Variants in PSMG1 observed in about 807,000 individuals in gnomAD.
PSMG1 encodes the protein proteasome assembly chaperone 1.
PSMG1 carries 23 observed loss-of-function variants against 37.2 expected under a neutral mutation model. That is an observed-to-expected ratio of 0.62 (90% CI 0.44 to 0.88). The LOEUF is 0.88. PSMG1 is among the 40% of genes least tolerant of loss of function. The pLI is 0.00. For synonymous variants in PSMG1, 127 were observed against 128.0 expected (o/e 0.99, Z 0.05); for missense variants, 340 against 344.2 (o/e 0.99, Z 0.10).
intron 1 of PSMG1, among the ~76,000 whole-genome samples, chr21:39,182,163 A>T (rs1346020819): frequency 1.3e-5 from 2 of 152,218 alleles, no homozygotes; most frequent in Non-Finnish European, 2.9e-5. Flanking sequence ...AGCCTGCAAT[A>T]AGAAACAGAA....
At chr21:39,183,116 C>T in intron 1 of PSMG1, 136 bp downstream of exon 1, 1 of 1,147,218 alleles carries the variant, frequency 8.7e-7, no homozygotes, top group Non-Finnish European at 1.2e-6. Flanking sequence ...AGGGCCCAAG[C>T]AGAGCCAAGG....
At chr21:39,183,201 C>T in intron 1 of PSMG1, 51 bp downstream of exon 1, 1 of 1,499,654 alleles carries the variant, frequency 6.7e-7, no homozygotes, top group South Asian at 1.3e-5. Context: ...CTGCCAGGCC[C>T]GCGCACCTTC....
Position 39,179,921 on chromosome 21 carries a change from T to C in PSMG1, c.456+3A>G, listed in dbSNP as rs1303219303. ...CATTCACAGGTTTTCATTTCTCTCT[T>C]ACCTTTTCCAGCCACTGATACTGTT... On this transcript the variant is annotated splice_donor_region_variant and intron_variant, in intron 4 of 6. Coordinates refer to ENST00000331573, the MANE Select transcript of PSMG1 (RefSeq NM_003720.4). 2 of 1,612,480 alleles carry C rather than the reference T, an allele frequency of 1.2e-6. No homozygotes were observed. The highest frequency in any genetic ancestry group is 2.2e-5 in the East Asian group (1 of 44,860).
In PSMG1 at chr21:39,180,365, A is replaced by T. The variant is rs1461057359; in HGVS notation, c.313T>A (p.Trp105Arg). 1 of 1,612,104 alleles carries T rather than the reference A, an allele frequency of 6.2e-7. No individual in the cohort carries two copies. Among genetic ancestry groups the T allele is most frequent in the Non-Finnish European group, 8.5e-7 (1 of 1,178,956 alleles). ...EVGCAKLWNE[W>R]CRTTDTTHLS... is the part of the protein sequence containing the mutation. Reference sequence around the variant, plus strand: ...TGTGTAGTGTCTGTTGTTCTACACCATTCATTCCAGAGTTTAGCACAACCA... The same window carrying T: ...TGTGTAGTGTCTGTTGTTCTACACCTTTCATTCCAGAGTTTAGCACAACCA... The change falls in exon 3 of 7, where the codon TGG (tryptophan) becomes AGG (arginine). Residue 105 changes from tryptophan to arginine, a missense_variant. Trp to Arg is a moderately radical substitution (Grantham distance 101, BLOSUM62 -3). Coordinates refer to ENST00000331573, the MANE Select transcript of PSMG1 (RefSeq NM_003720.4).
intron 1 of PSMG1, among the ~76,000 whole-genome samples, chr21:39,182,211 TTGAA>T (rs1338387918): frequency 2.0e-5 from 3 of 152,178 alleles, no homozygotes; most frequent in Non-Finnish European, 4.4e-5. Flanking sequence ...CGACAAAACT[TTGAA>T]TGAGAATCTG....
intron 6 of PSMG1, among the ~76,000 whole-genome samples, chr21:39,175,867 A>ATCTCCTGGCCTCCGATGG (rs2030608988): frequency 6.6e-6 from 1 of 152,048 alleles, no homozygotes; most frequent in African/African-American, 2.4e-5. Context: ...CTCGCCGATG[A>ATCTCCTGGCCTCCGATGG]TCTCCTGGCC....
intron 6 of PSMG1, 75 bp from the exon 7 acceptor site, chr21:39,175,739 C>T (rs1601180185): frequency 1.1e-6 from 1 of 913,480 alleles, no homozygotes; most frequent in East Asian, 2.5e-5. Flanking sequence ...CCCTCCACGA[C>T]CAACAATCTC....
Position 39,175,383 on chromosome 21 carries a change from A to T in PSMG1, c.*207T>A. 2.1e-6 allele frequency: 1 copy of T among 474,094 alleles called. No individual in the cohort carries two copies. 29.4% of individuals were successfully genotyped at this position (474,094 alleles called of 1,614,324 possible). A position where few individuals can be genotyped will look rare whatever the true frequency, so the allele number is the denominator to read the frequency against. ...TTCAAATACAACAATACTCCCACCT[A>T]GTGGATAAAAGGAAAATGCTTGGCT... On this transcript the variant is annotated 3_prime_UTR_variant, in exon 7 of 7. Transcript: ENST00000331573.
chr21:39,177,141 G>C (rs188941839), intron 6 of PSMG1, among the ~76,000 whole-genome samples: 20 of 152,234 alleles, frequency 1.3e-4, no homozygotes, highest in Admixed American at 1.2e-3. Flanking sequence ...AAAAAACCTT[G>C]CAAAGTAGTT....
Position 39,175,472 on chromosome 21 carries a change from T to C in PSMG1, c.*118A>G. On this transcript the variant is annotated 3_prime_UTR_variant, in exon 7 of 7. Transcript: ENST00000331573. ...TAAAACTACAATTAATTTTTTACAA[T>C]TTTATTCCGTTTCATCATTCTCAAA... The C allele has an allele frequency of 1.5e-6, 2 of 1,356,428 alleles. No individual in the cohort carries two copies. The highest frequency in any genetic ancestry group is 1.9e-6 in the Non-Finnish European group (2 of 1,045,302). The allele number at this position is 1,356,428 out of a possible 1,614,324, so 84.0% of individuals were successfully genotyped here.
intron 6 of PSMG1, among the ~76,000 whole-genome samples, chr21:39,177,137 C>T (rs2030653240): frequency 6.6e-6 from 1 of 152,152 alleles, no homozygotes; most frequent in South Asian, 2.1e-4. Context: ...TTTTAAAAAA[C>T]CTTGCAAAGT....
At chr21:39,181,249 T>C (rs1324480780) in intron 2 of PSMG1, among the ~76,000 whole-genome samples, 1 of 152,000 alleles carries the variant, frequency 6.6e-6, no homozygotes, top group East Asian at 2.0e-4. Context: ...AATCCTCCCA[T>C]CTCAGGCTCC....
At chr21:39,177,409 T>G in intron 6 of PSMG1, 26 bp downstream of exon 6, 2 of 1,540,026 alleles carry the variant, frequency 1.3e-6, no homozygotes, top group Non-Finnish European at 1.7e-6. Flanking sequence ...AATGCAGCTA[T>G]TAATTTAAAT....
At chr21:39,177,930 T>C (rs1460085646) in intron 5 of PSMG1, among the ~76,000 whole-genome samples, 2 of 152,094 alleles carry the variant, frequency 1.3e-5, no homozygotes, top group South Asian at 2.1e-4. Flanking sequence ...CTAGTAAACA[T>C]TGAAAGCAAA....
chr21:39,178,595 C>A lies in PSMG1; in HGVS notation c.509G>T (p.Arg170Leu). The part of the protein sequence containing the change: ...KNMQITILTC[R>L]HVTDYKTSES... Reference sequence around the variant, plus strand: ...TGAGGTTTTATAATCGGTAACATGTCGACATGTGAGAATAGTTATCTGCAT... The same window carrying A: ...TGAGGTTTTATAATCGGTAACATGTAGACATGTGAGAATAGTTATCTGCAT... The change falls in exon 5 of 7, where the codon CGA becomes CTA. Residue 170 changes from arginine (R) to leucine (L), a missense_variant. Transcript: ENST00000331573. 1 of 1,613,952 alleles carries A rather than the reference C, an allele frequency of 6.2e-7. No individual in the cohort carries two copies. Among genetic ancestry groups the A allele is most frequent in the Non-Finnish European group, 8.5e-7 (1 of 1,180,000 alleles).
intron 1 of PSMG1, among the ~76,000 whole-genome samples, chr21:39,182,635 G>A (rs73221192): frequency 0.031 from 4,664 of 152,322 alleles, 131 homozygotes; most frequent in Non-Finnish European, 0.049. Flanking sequence ...TCGCTTAGGA[G>A]TGGCGGGAGA....
At chr21:39,176,595 A>G (rs1169219885) in intron 6 of PSMG1, among the ~76,000 whole-genome samples, 21 of 152,332 alleles carry the variant, frequency 1.4e-4, no homozygotes, top group Non-Finnish European at 1.5e-5. Context: ...TTACAGCTGT[A>G]CTCTTCAACA....
In PSMG1 at chr21:39,183,369, A is replaced by G; in HGVS notation, c.17T>C (p.Phe6Ser). ...GCACGGCGCCTTCACCACCTCTCCG[A>G]AGAACGTGGCCGCCATAGCCGCCCC... MAATF[F>S]GEVVKAPCRA... The change falls in exon 1 of 7, where the codon TTC becomes TCC. Residue 6 changes from phenylalanine to serine, a missense_variant. By Grantham distance (155) the Phe-to-Ser change is radical (BLOSUM62 -2). Coordinates refer to ENST00000331573, the MANE Select transcript of PSMG1 (RefSeq NM_003720.4). 1 of 1,575,148 alleles carries G rather than the reference A, an allele frequency of 6.3e-7. No individual in the cohort carries two copies. The highest frequency in any genetic ancestry group is 2.4e-5 in the East Asian group (1 of 42,220).
At chr21:39,176,992 G>A (rs2030647593) in intron 6 of PSMG1, among the ~76,000 whole-genome samples, 1 of 152,156 alleles carries the variant, frequency 6.6e-6, no homozygotes, top group Non-Finnish European at 1.5e-5. Flanking sequence ...TAAACCAAGG[G>A]TAAGGAAGAG....
Sources: gnomAD v4.1 joint callset for allele counts (sites outside exome capture counted in the v4.1 genomes callset) on GRCh38, gnomAD v4.1.1 for gene constraint, MANE v1.5 for transcripts, NCBI Gene and HGNC (gene_info 2026-07-23, HGNC 2026-07-21) for gene names.